The following PTPN23 variants were observed in gnomAD, a reference collection of about 807,000 sequenced individuals.
PTPN23 encodes the protein protein tyrosine phosphatase non-receptor type 23, also known as tyrosine-protein phosphatase non-receptor type 23.
Under a neutral mutation model 156.3 loss-of-function variants are expected in PTPN23, and 72 were observed. The observed-to-expected ratio is 0.46, with a 90% confidence interval of 0.38 to 0.56. The LOEUF is 0.56. Among genes scored for constraint, PTPN23 ranks in the 20% least tolerant of loss-of-function variants. PTPN23 has a pLI of 0.00. For missense variants in PTPN23, 1,974 were observed against 2,171.5 expected (o/e 0.91, Z 1.81); for synonymous variants, 957 against 899.6 (o/e 1.06, Z -1.14).
chr3:47,381,203 C>T (rs1464817183), intron 1 of PTPN23, 23 bp downstream of exon 1: 4 of 1,561,808 alleles, frequency 2.6e-6, no homozygotes, highest in Admixed American at 1.9e-5. Context: ...TCCATCTTCC[C>T]CCCTATCCGC....
In PTPN23 at chr3:47,412,797, G is replaced by A. The variant is rs764369194; in HGVS notation, c.4523G>A (p.Arg1508Gln). 8 of 1,613,386 alleles carry A rather than the reference G, an allele frequency of 5.0e-6. No homozygotes were observed. The highest frequency in any genetic ancestry group is 2.2e-5 in the East Asian group (1 of 44,872). The part of the protein sequence containing the change: ...IQATIAKLSI[R>Q]PPGGLESPVA... ...GCCACCATTGCCAAGCTCAGCATTC[G>A]GCCTCCTGGGGGGTTGGAGTCCCCG... The change falls in exon 25 of 25, where the codon CGG (arginine) becomes CAG (glutamine). Residue 1508 changes from arginine to glutamine, a missense_variant. By Grantham distance (43) the Arg-to-Gln change is conservative (BLOSUM62 1). Around this residue, in one of 4 missense-constraint regions of PTPN23, gnomAD observed 484 missense variants for 516.0 expected, o/e 0.94. Coordinates refer to ENST00000265562, the MANE Select transcript of PTPN23 (RefSeq NM_015466.4).
At position 47,406,826 on chromosome 3, in the gene PTPN23, A is replaced by G; in HGVS notation, c.807+76A>G. On this transcript the variant is annotated intron_variant, in intron 9 of 24. Transcript: ENST00000265562. The surrounding 1 kb of genome is among the most constrained non-coding windows in gnomAD (Gnocchi z 5.8). ...ATGCCGGTGTGCTCCCGCTCCTTAC[A>G]CACCAGGGGGTGGCCTTCTCTGTCT... 1 of 1,571,240 alleles carries G rather than the reference A, an allele frequency of 6.4e-7. No homozygotes were observed. The highest frequency in any genetic ancestry group is 1.3e-5 in the African/African-American group (1 of 74,226).
chr3:47,388,924 C>T (rs1161305490), intron 1 of PTPN23, among the ~76,000 whole-genome samples: 1 of 152,100 alleles, frequency 6.6e-6, no homozygotes, highest in Admixed American at 6.6e-5. Flanking sequence ...CTTGGCCTCC[C>T]AAAGTGCTGC....
chr3:47,404,795 A>C lies in PTPN23; in HGVS notation c.287+16A>C, dbSNP rs1292161427. 8.7e-6 allele frequency: 14 copies of C among 1,611,980 alleles called. No individual in the cohort carries two copies. The South Asian group carries it at 1.1e-4, about 13-fold the overall frequency. ...CTGTCACCTGGTGAGAGCCGCAGGC[A>C]GGGCTGGAGGATCCCACGGGGAGTC... On this transcript the variant is annotated intron_variant, in intron 3 of 24. Coordinates refer to ENST00000265562, the MANE Select transcript of PTPN23 (RefSeq NM_015466.4).
intron 1 of PTPN23, among the ~76,000 whole-genome samples, chr3:47,382,790 G>T (rs1025961575): frequency 7.3e-6 from 1 of 136,308 alleles, no homozygotes; most frequent in Admixed American, 8.2e-5. Context: ...CCGGGTTCAC[G>T]CCATTCTCCT....
chr3:47,412,952 G>T lies in PTPN23; in HGVS notation c.4678G>T (p.Glu1560Ter). Residue 1560 changes from glutamate to a stop codon, truncating the protein, a stop_gained, in exon 25 of 25, where the codon GAG becomes TAG. Transcript: ENST00000265562. LOFTEE classifies it high-confidence loss of function. The part of the protein sequence containing the change: ...SPLPEAPQPK[E>*]EPPVPEAPSS... The stretch of plus-strand genomic sequence containing the variant: ...ACTACCTGAGGCTCCCCAGCCTAAG[G>T]AGGAGCCGCCAGTGCCTGAAGCCCC... 6.2e-7 allele frequency: 1 copy of T among 1,606,368 alleles called. No homozygotes were observed. Among genetic ancestry groups the T allele is most frequent in the Non-Finnish European group, 8.5e-7 (1 of 1,176,518 alleles).
At position 47,412,305 on chromosome 3, in the gene PTPN23, G is replaced by A; in HGVS notation, c.4201G>A (p.Ala1401Thr). ...HCSSGVGRTG[A>T]FALLYAAVQE... ...CAGCTCTGGTGTGGGCCGCACGGGA[G>A]CCTTTGCACTGCTCTATGCAGCTGT... The change falls in exon 23 of 25, where the codon GCC becomes ACC. Residue 1401 changes from alanine (A) to threonine (T), a missense_variant. Coordinates refer to ENST00000265562, the MANE Select transcript of PTPN23 (RefSeq NM_015466.4). The A allele has an allele frequency of 6.2e-7, 1 of 1,613,392 alleles. No individual in the cohort carries two copies.
intron 18 of PTPN23, 39 bp from the exon 19 acceptor site, chr3:47,409,616 C>T (rs779282700): frequency 6.2e-7 from 1 of 1,612,252 alleles, no homozygotes; most frequent in Non-Finnish European, 8.5e-7. Flanking sequence ...TGGAGCCCAG[C>T]CCCATGGTTC....
At chr3:47,404,956 G>A in intron 3 of PTPN23, 49 bp from the exon 4 acceptor site, 1 of 1,610,814 alleles carries the variant, frequency 6.2e-7, no homozygotes, top group Non-Finnish European at 8.5e-7. Context: ...TAATCTCAGG[G>A]CCCTGGCTAG....
rs1265101434 is a variant in PTPN23 at position 47,407,086 on chromosome 3, C to T, written c.808-44C>T. ...GTGGGAGGCAGGAGGAGAAAGGGTC[C>T]AAGCAGAGGAGGACAGAGCAGGCTT... On this transcript the variant is annotated intron_variant, in intron 9 of 24. Transcript: ENST00000265562. The surrounding 1 kb of genome is among the most constrained non-coding windows in gnomAD (Gnocchi z 4.0). 1 of 1,612,594 alleles carries T rather than the reference C, an allele frequency of 6.2e-7. No homozygotes were observed.
intron 1 of PTPN23, among the ~76,000 whole-genome samples, chr3:47,395,745 C>T (rs1348908914): frequency 6.6e-6 from 1 of 152,188 alleles, no homozygotes; most frequent in Non-Finnish European, 1.5e-5. Context: ...CTCTTGCCTG[C>T]AGTTGCTATC....
intron 1 of PTPN23, among the ~76,000 whole-genome samples, chr3:47,387,668 C>T (rs971217903): frequency 6.6e-6 from 1 of 151,942 alleles, no homozygotes. Flanking sequence ...CATAATGTAA[C>T]TGGTGAATAA....
At chr3:47,394,208 C>G (rs1704832452) in intron 1 of PTPN23, among the ~76,000 whole-genome samples, 1 of 152,136 alleles carries the variant, frequency 6.6e-6, no homozygotes, top group Non-Finnish European at 1.5e-5. Flanking sequence ...TAAAAGCAAT[C>G]ATTTGCTGAG....
rs1485902859 is a variant in PTPN23, at chr3:47,381,031, TC to T, written c.-65del. 1.3e-6 allele frequency: 2 copies of T among 1,548,354 alleles called. No homozygotes were observed. Among genetic ancestry groups the T allele is most frequent in the African/African-American group, 2.7e-5 (2 of 72,998 alleles). Reference sequence around the variant, plus strand: ...CCGGCACGAAGGGGCGGGGCTGGGCTCGTGGCTGAGCCAGCAGCTGCAGCAG... The same window carrying T: ...CCGGCACGAAGGGGCGGGGCTGGGCTGTGGCTGAGCCAGCAGCTGCAGCAG... On this transcript the variant is annotated 5_prime_UTR_variant, in exon 1 of 25. Transcript: ENST00000265562.
Position 47,407,527 on chromosome 3 carries a change from A to G in PTPN23, c.946A>G (p.Asn316Asp), listed in dbSNP as rs780048193. 19 of 1,613,970 alleles carry G rather than the reference A, an allele frequency of 1.2e-5. No individual in the cohort carries two copies. Among genetic ancestry groups the G allele is most frequent in the African/African-American group, 4.0e-5 (3 of 74,908 alleles). ...GGKYNSAKKD[N>D]DFIYHEAVPA... The stretch of plus-strand genomic sequence containing the variant: ...CAGGTACAATTCTGCCAAGAAGGAC[A>G]ACGACTTCATTTACCATGAGGCTGT... The change falls in exon 12 of 25, where the codon AAC becomes GAC. Residue 316 changes from asparagine to aspartate, a missense_variant. Coordinates refer to ENST00000265562, the MANE Select transcript of PTPN23 (RefSeq NM_015466.4). The surrounding 1 kb of genome is among the most constrained non-coding windows in gnomAD (Gnocchi z 4.0).
At position 47,407,206 on chromosome 3, in the gene PTPN23, G is replaced by A. The variant is rs368372473; in HGVS notation, c.864+20G>A. On this transcript the variant is annotated intron_variant, in intron 10 of 24. Transcript: ENST00000265562. This position sits in a 1 kb window ranked among gnomAD's most constrained non-coding sequence, Gnocchi z 4.0. Reference sequence around the variant, plus strand: ...GCCAAGGTAAAGCTGAGGAAGGCCTGGCTGCCCTGAGGGTATAGGAGCAAG... The same window carrying A: ...GCCAAGGTAAAGCTGAGGAAGGCCTAGCTGCCCTGAGGGTATAGGAGCAAG... 1 of 1,614,006 alleles carries A rather than the reference G, an allele frequency of 6.2e-7. No individual in the cohort carries two copies. Among genetic ancestry groups the A allele is most frequent in the African/African-American group, 1.3e-5 (1 of 74,998 alleles).
rs1198285292 is a variant in PTPN23, at chr3:47,406,288, G to C, written c.547-37G>C. The C allele has an allele frequency of 6.2e-7, 1 of 1,609,664 alleles. No homozygotes were observed. On this transcript the variant is annotated intron_variant, in intron 6 of 24. Coordinates refer to ENST00000265562, the MANE Select transcript of PTPN23 (RefSeq NM_015466.4). This position sits in a 1 kb window ranked among gnomAD's most constrained non-coding sequence, Gnocchi z 5.8. ...AAGGGAAGGGGAAGCGGGAGGCCTT[G>C]GGTGAGCGAGGGAGTGCACCTCACG...
At chr3:47,397,896 C>G (rs945659874) in intron 2 of PTPN23, among the ~76,000 whole-genome samples, 3 of 152,128 alleles carry the variant, frequency 2.0e-5, no homozygotes, top group Non-Finnish European at 4.4e-5. Context: ...GTCTCGACCT[C>G]CTGACCTCAG....
Position 47,413,104 on chromosome 3 carries a change from C to T in PTPN23, c.4830C>T (p.Asn1610=), listed in dbSNP as rs772841442. ...MSKHNFLQAH[N]GQGLRATRPS... is the part of the protein sequence containing the mutation. ...AGCATAACTTTCTGCAGGCCCATAACGGGCAAGGGCTGCGGGCCACCCGGC... is the reference window on the plus strand; with the variant it reads ...AGCATAACTTTCTGCAGGCCCATAATGGGCAAGGGCTGCGGGCCACCCGGC... The change falls in exon 25 of 25, where the codon AAC becomes AAT. Residue 1610 remains asparagine (N), a synonymous_variant. Coordinates refer to ENST00000265562, the MANE Select transcript of PTPN23 (RefSeq NM_015466.4). The T allele has an allele frequency of 2.7e-5, 43 of 1,612,782 alleles. No homozygotes were observed. The highest frequency in any genetic ancestry group is 3.3e-4 in the Middle Eastern group (2 of 6,084).
Sources: allele counts gnomAD v4.1 joint callset (sites outside exome capture counted in the v4.1 genomes callset), GRCh38; gene constraint gnomAD v4.1.1; regional missense constraint gnomAD v4.1.1; non-coding constraint Gnocchi (gnomAD v3.1); transcripts MANE v1.5; gene names NCBI Gene and HGNC (gene_info 2026-07-23, HGNC 2026-07-21).